Variants in PHEX observed in about 807,000 individuals in gnomAD.
The protein encoded by PHEX is phosphate-regulating neutral endopeptidase PHEX.
Under a neutral mutation model 68.0 loss-of-function variants are expected in PHEX, and 16 were observed. The observed-to-expected ratio is 0.24, with a 90% CI of 0.16 to 0.36. The LOEUF (loss-of-function observed/expected upper bound fraction) is 0.36, where lower values mean the gene tolerates loss of function less well. Ranked by LOEUF, PHEX falls within the 10% of genes least tolerant of loss-of-function variation. The pLI is 1.00. For synonymous variants in PHEX, 208 were observed against 205.1 expected, an observed-to-expected ratio of 1.01 and a Z score of -0.12; for missense variants, 480 against 575.5, an observed-to-expected ratio of 0.83 and a Z score of 1.70.
intron 20 of PHEX, among the ~76,000 whole-genome samples, chrX:22,228,603 T>TATCA (rs1280981849): frequency 1.8e-5 from 2 of 111,964 alleles, no homozygotes; most frequent in African/African-American, 3.2e-5. Flanking sequence ...TTCCTGTTTC[T>TATCA]ATCATCACAT....
At position 22,249,438 on chromosome X, in the gene PHEX, C is replaced by CT. The variant is rs1165931139; in HGVS notation, c.*1489dup. The CT allele has an allele frequency of 1.1e-4, 3 of 28,366 alleles. No individual in the cohort carries two copies. Among genetic ancestry groups the CT allele is most frequent in the Admixed American group, 4.6e-4 (1 of 2,155 alleles). 2.3% of individuals were successfully genotyped at this position (28,366 alleles called of 1,213,427 possible). A position where few individuals can be genotyped will look rare whatever the true frequency, so the allele number is the denominator to read the frequency against. On this transcript the variant is annotated 3_prime_UTR_variant, in exon 22 of 22. Coordinates refer to ENST00000379374, the MANE Select transcript of PHEX (RefSeq NM_000444.6). ...TTGTGTGTCCCTGTGATTTGTGATT[C>CT]TTTTAAAAAAAAAAAAAATATATAT...
chrX:22,077,659 A>G lies in PHEX; in HGVS notation c.620A>G (p.Tyr207Cys), dbSNP rs763461759. Reference protein sequence around the residue: ...QYSNSVFIRLYVSPDDKASNE... With the variant: ...QYSNSVFIRLCVSPDDKASNE... ...AGCAATTCTGTGTTCATCCGTTTGT[A>G]TGTGTCCCCTGATGACAAAGCATCC... Residue 207 changes from tyrosine (Y) to cysteine (C), a missense_variant, in exon 5 of 22, where the codon TAT becomes TGT. By Grantham distance (194) the Tyr-to-Cys change is radical (BLOSUM62 -2). Coordinates refer to ENST00000379374, the MANE Select transcript of PHEX (RefSeq NM_000444.6). 1 of 1,209,149 alleles carries G rather than the reference A, an allele frequency of 8.3e-7. No individual in the cohort carries two copies. The highest frequency in any genetic ancestry group is 2.2e-5 in the Admixed American group (1 of 45,998).
At chrX:22,092,564 G>C (rs1409923971) in intron 6 of PHEX, among the ~76,000 whole-genome samples, 2 of 109,256 alleles carry the variant, frequency 1.8e-5, no homozygotes, top group Non-Finnish European at 3.8e-5. Flanking sequence ...GTAGAGACAG[G>C]GTTTCACCAT....
At chrX:22,055,156 C>G (rs1928021402) in intron 3 of PHEX, among the ~76,000 whole-genome samples, 1 of 82,197 alleles carries the variant, frequency 1.2e-5, no homozygotes, top group Non-Finnish European at 2.4e-5. Context: ...GTCCGGGCAA[C>G]AGAGAGAGAC....
intron 3 of PHEX, 46 bp from the exon 4 acceptor site, chrX:22,076,342 A>G: frequency 1.1e-6 from 1 of 941,862 alleles, no homozygotes; most frequent in East Asian, 3.1e-5. Flanking sequence ...CCAACTTGGC[A>G]CCATATGTGG....
At chrX:22,141,543 C>A (rs1325203496) in intron 12 of PHEX, among the ~76,000 whole-genome samples, 1 of 109,758 alleles carries the variant, frequency 9.1e-6, no homozygotes, top group African/African-American at 3.3e-5. Flanking sequence ...GTTGTTAAGC[C>A]CTGTTGCTCC....
At chrX:22,056,285 T>G (rs923923044) in intron 3 of PHEX, among the ~76,000 whole-genome samples, 2 of 112,084 alleles carry the variant, frequency 1.8e-5, no homozygotes, top group African/African-American at 6.5e-5. Flanking sequence ...CTAGTAATTA[T>G]GTAGACTTCA....
chrX:22,247,774 A>C (rs774098324), intron 21 of PHEX, 77 bp from the exon 22 acceptor site: 11 of 720,402 alleles, frequency 1.5e-5, no homozygotes, highest in East Asian at 3.2e-5. Context: ...TTCTAGCAAT[A>C]TTCTGCTACA....
chrX:22,154,443 G>A (rs1193182234), intron 12 of PHEX, among the ~76,000 whole-genome samples: 2 of 111,041 alleles, frequency 1.8e-5, no homozygotes, highest in African/African-American at 6.6e-5. Context: ...CTATAGTAGT[G>A]GTTTTCAACC....
Position 22,230,949 on chromosome X carries a change from G to T in PHEX, c.2070+3338G>T, listed in dbSNP as rs150105640. On this transcript the variant is annotated intron_variant, in intron 20 of 21. Transcript: ENST00000379374. ...TAGCTCTTCCAATTTTGAGATACGT[G>T]CCATCAATACCTAGTTTACTGAGAG... 3.8e-3 allele frequency among the ~76,000 whole-genome samples: 427 copies of T among 111,772 alleles called. 2 individuals carry two copies. Among genetic ancestry groups the T allele is most frequent in the African/African-American group, 0.013 (396 of 30,709 alleles).
intron 3 of PHEX, among the ~76,000 whole-genome samples, chrX:22,069,538 G>T (rs1342866564): frequency 9.0e-6 from 1 of 111,521 alleles, no homozygotes; most frequent in Non-Finnish European, 1.9e-5. Context: ...TGTGTTATTT[G>T]GTAACCCATG....
At chrX:22,105,149 G>A (rs1368035299) in intron 9 of PHEX, among the ~76,000 whole-genome samples, 2 of 111,861 alleles carry the variant, frequency 1.8e-5, no homozygotes, top group Admixed American at 1.9e-4. Context: ...ACATTACTGG[G>A]GAGTTTGTCA....
chrX:22,084,880 C>A (rs1407024258), intron 5 of PHEX, among the ~76,000 whole-genome samples: 1 of 108,807 alleles, frequency 9.2e-6, no homozygotes. Context: ...TTATTTGTGT[C>A]TTCTCTCTTT....
At chrX:22,041,093 T>A (rs2146982031) in intron 2 of PHEX, among the ~76,000 whole-genome samples, 1 of 108,561 alleles carries the variant, frequency 9.2e-6, no homozygotes, top group Admixed American at 9.9e-5. Flanking sequence ...TGGGTGACGC[T>A]TAGATTTTTG....
At chrX:22,234,390 T>G (rs1451723867) in intron 20 of PHEX, among the ~76,000 whole-genome samples, 1 of 111,586 alleles carries the variant, frequency 9.0e-6, no homozygotes, top group Admixed American at 9.4e-5. Context: ...CCCCAAGTGC[T>G]CTGTCCTAGG....
intron 1 of PHEX, among the ~76,000 whole-genome samples, chrX:22,036,052 A>ATTTTT (rs1262185201): frequency 6.8e-5 from 4 of 58,427 alleles, no homozygotes; most frequent in Non-Finnish European, 9.1e-5. Context: ...ATATATATAT[A>ATTTTT]TATTTTTTTT....
intron 15 of PHEX, among the ~76,000 whole-genome samples, chrX:22,210,395 G>A (rs886974671): frequency 7.2e-5 from 8 of 111,870 alleles, no homozygotes; most frequent in African/African-American, 2.3e-4. Context: ...GGCAATGGAC[G>A]TAAATGCTTC....
chrX:22,092,966 G>T (rs1456362307), intron 6 of PHEX, among the ~76,000 whole-genome samples: 2 of 108,716 alleles, frequency 1.8e-5, no homozygotes, highest in Non-Finnish European at 3.8e-5. Flanking sequence ...TGGCCAGGCT[G>T]GTCTTGAACT....
chrX:22,102,236 A>G (rs1930464334), intron 9 of PHEX, among the ~76,000 whole-genome samples: 1 of 110,335 alleles, frequency 9.1e-6, no homozygotes, highest in African/African-American at 3.3e-5. Context: ...ATCCTTCCCA[A>G]CCTCCAGTAA....
Sources: allele counts gnomAD v4.1 joint callset (sites outside exome capture counted in the v4.1 genomes callset), GRCh38; gene constraint gnomAD v4.1.1; transcripts MANE v1.5; gene names NCBI Gene and HGNC (gene_info 2026-07-23, HGNC 2026-07-21).